EXO1: variants seen among roughly 807,000 people sequenced by gnomAD.
EXO1 encodes exonuclease 1.
In EXO1, 69 loss-of-function variants were observed where a neutral mutation model predicts 84.5. The observed-to-expected ratio is 0.82, with a 90% CI of 0.67 to 1.00. The LOEUF (loss-of-function observed/expected upper bound fraction) is 1.00, where lower values mean the gene tolerates loss of function less well. EXO1 is among the 50% of genes least tolerant of loss of function. The pLI is 0.00. For synonymous variants in EXO1, 373 were observed against 366.1 expected, an observed-to-expected ratio of 1.02 and a Z score of -0.21; for missense variants, 1,045 against 1,000.7, an observed-to-expected ratio of 1.04 and a Z score of -0.60.
rs1298386596 is a variant in EXO1 at position 241,879,166 on chromosome 1, T to C, written c.1932T>C (p.Pro644=). 1 of 1,607,594 alleles carries C rather than the reference T, an allele frequency of 6.2e-7. No homozygotes were observed. The highest frequency in any genetic ancestry group is 8.5e-7 in the Non-Finnish European group (1 of 1,174,506). ...AGAGCGATTCCCCCACCTCTTTGCCTGAGAATAATATGTCTGATGTGTCGC... is the reference window on the plus strand; with the variant it reads ...AGAGCGATTCCCCCACCTCTTTGCCCGAGAATAATATGTCTGATGTGTCGC... ...RRKSDSPTSL[P]ENNMSDVSQL... is the part of the protein sequence containing the mutation. Residue 644 remains proline, a synonymous_variant, in exon 13 of 16, where the codon CCT becomes CCC. Coordinates refer to ENST00000366548, the MANE Select transcript of EXO1 (RefSeq NM_130398.4).
At chr1:241,873,903 A>G (rs1458783666) in intron 12 of EXO1, among the ~76,000 whole-genome samples, 1 of 152,160 alleles carries the variant, frequency 6.6e-6, no homozygotes, top group African/African-American at 2.4e-5. Context: ...ACAGTCAGAC[A>G]GCTTGAGGAA....
intron 10 of EXO1, among the ~76,000 whole-genome samples, chr1:241,862,237 C>T (rs1320305189): frequency 2.0e-5 from 3 of 152,208 alleles, no homozygotes; most frequent in Non-Finnish European, 2.9e-5. Flanking sequence ...CACTCCTAGC[C>T]GCGATTTGCT....
chr1:241,881,415 A>G (rs1022469403), intron 13 of EXO1, among the ~76,000 whole-genome samples: 2 of 152,224 alleles, frequency 1.3e-5, no homozygotes, highest in African/African-American at 2.4e-5. Context: ...ATCTGATAGA[A>G]TTGGGGGCAG....
chr1:241,849,468 T>G (rs779122237), intron 3 of EXO1, among the ~76,000 whole-genome samples: 19 of 152,234 alleles, frequency 1.2e-4, no homozygotes, highest in Non-Finnish European at 2.1e-4. Context: ...GTCTTGAAGC[T>G]GTATTTGCAT....
At chr1:241,853,247 G>A (rs1660765548) in intron 5 of EXO1, 111 bp from the exon 6 acceptor site, 2 of 1,193,952 alleles carry the variant, frequency 1.7e-6, no homozygotes, top group South Asian at 2.5e-5. Flanking sequence ...TTTCTAATGA[G>A]TCAAAAACTT....
chr1:241,888,235 T>C (rs1156963985), intron 15 of EXO1, among the ~76,000 whole-genome samples: 1 of 152,028 alleles, frequency 6.6e-6, no homozygotes, highest in Non-Finnish European at 1.5e-5. Flanking sequence ...GAACGAGACC[T>C]TGTCTCAAAA....
At position 241,876,239 on chromosome 1, in the gene EXO1, T is replaced by C. The variant is rs532740817; in HGVS notation, c.1515-2510T>C. On this transcript the variant is annotated intron_variant, in intron 12 of 15. Coordinates refer to ENST00000366548, the MANE Select transcript of EXO1 (RefSeq NM_130398.4). ...TTCTGTGAGAAATAATTATCAGGAG[T>C]AAGTCAGTCTTTGATGTGTCATTTT... Among the ~76,000 whole-genome samples the C allele has an allele frequency of 2.0e-5, 3 of 152,270 alleles. No individual in the cohort carries two copies. In the South Asian group the frequency reaches 6.2e-4, roughly 32 times the overall value.
At chr1:241,855,377 C>CTGA (rs1411107454) in intron 6 of EXO1, among the ~76,000 whole-genome samples, 5 of 152,070 alleles carry the variant, frequency 3.3e-5, no homozygotes, top group Non-Finnish European at 5.9e-5. Flanking sequence ...TTCACAAACC[C>CTGA]TGAGCTAGAC....
intron 6 of EXO1, chr1:241,854,832 T>C (rs1330154771): frequency 1.9e-5 from 3 of 154,612 alleles, no homozygotes; most frequent in African/African-American, 7.2e-5. Context: ...TTCCTTCTGA[T>C]GTTAGGATGT....
rs1558148774 is a variant in EXO1 at position 241,885,456 on chromosome 1, CG to C, written c.2358del (p.Leu787TyrfsTer37). The C allele has an allele frequency of 6.2e-7, 1 of 1,613,648 alleles. No homozygotes were observed. The highest frequency in any genetic ancestry group is 8.5e-7 in the Non-Finnish European group (1 of 1,179,808). ...AAGCATCATAATGCCGAGAACAAGC[CG>C]GGGTTACAGATCAAACTCAATGAGC... Reference protein sequence around the residue: ...KRKHHNAENKPGLQIKLNELW... With the variant: ...KRKHHNAENKXGLQIKLNELW... On this transcript the variant is annotated frameshift_variant, in exon 15 of 16. Transcript: ENST00000366548. LOFTEE classifies it high-confidence loss of function.
intron 4 of EXO1, among the ~76,000 whole-genome samples, chr1:241,851,279 T>G (rs1342568071): frequency 6.6e-6 from 1 of 152,230 alleles, no homozygotes; most frequent in East Asian, 1.9e-4. Context: ...AATTTCATAT[T>G]TGCTTTCTCC....
intron 11 of EXO1, among the ~76,000 whole-genome samples, chr1:241,870,216 C>A (rs1012474406): frequency 6.6e-5 from 10 of 152,162 alleles, no homozygotes; most frequent in Non-Finnish European, 1.2e-4. Flanking sequence ...CAGACTAAGT[C>A]TACTTTTCTA....
In EXO1 at chr1:241,885,357, C is replaced by T. The variant is rs921758551; in HGVS notation, c.2255C>T (p.Thr752Ile). ...TCCAGTTCTGCAGACTCTCTTTCTA[C>T]AACCAAGATCAAACCTCTAGGACCT... Reference protein sequence around the residue: ...YKSSSADSLSTTKIKPLGPAR... With the variant: ...YKSSSADSLSITKIKPLGPAR... Residue 752 changes from threonine (T) to isoleucine (I), a missense_variant, in exon 15 of 16, where the codon ACA (threonine) becomes ATA (isoleucine). Thr to Ile is a moderately conservative substitution (Grantham distance 89). Transcript: ENST00000366548. 1.1e-5 allele frequency: 17 copies of T among 1,613,776 alleles called. No homozygotes were observed. In the African/African-American group the frequency reaches 1.1e-4, roughly 10 times the overall value.
rs769765317 is a variant in EXO1, at chr1:241,856,049, G to GCCC, written c.406-1295_406-1294insCCC. The stretch of plus-strand genomic sequence containing the variant: ...CCACAGAGCAGCGGTGGGCTGAAGG[G>GCCC]CTCAAGTGCCGCCAAAGTGGGAGCC... On this transcript the variant is annotated intron_variant, in intron 6 of 15. Transcript: ENST00000366548. 1.0e-3 allele frequency among the ~76,000 whole-genome samples: 155 copies of GCCC among 152,348 alleles called. 1 individual carries two copies. The highest frequency in any genetic ancestry group is 1.7e-3 in the Non-Finnish European group (113 of 68,032).
Position 241,881,982 on chromosome 1 carries a change from C to T in EXO1, c.2176C>T (p.His726Tyr), listed in dbSNP as rs775326016. The change falls in exon 14 of 16, where the codon CAT (histidine) becomes TAT (tyrosine). Residue 726 changes from histidine (H) to tyrosine (Y), a missense_variant. Transcript: ENST00000366548. ...CCAGACCTCCAAGCTACGTTTATCT[C>T]ATTTCTCAAAAAAAGACACACCTCT... ...SDQTSKLRLS[H>Y]FSKKDTPLRN... 7.0e-6 allele frequency: 11 copies of T among 1,577,096 alleles called. No individual in the cohort carries two copies. The Admixed American group carries it at 1.3e-4, about 19-fold the overall frequency.
intron 4 of EXO1, among the ~76,000 whole-genome samples, chr1:241,851,521 C>T (rs955777105): frequency 2.0e-5 from 3 of 151,814 alleles, no homozygotes; most frequent in Non-Finnish European, 4.4e-5. Context: ...CTAAAATGTC[C>T]TTTTCTTTAT....
intron 7 of EXO1, 74 bp from the exon 8 acceptor site, chr1:241,858,432 A>G: frequency 1.1e-6 from 1 of 899,882 alleles, no homozygotes; most frequent in Non-Finnish European, 1.9e-6. Flanking sequence ...AAGATTTCTT[A>G]AAATTATTGC....
At chr1:241,888,653 T>G (rs186065659) in intron 15 of EXO1, among the ~76,000 whole-genome samples, 17 of 152,318 alleles carry the variant, frequency 1.1e-4, no homozygotes, top group Middle Eastern at 6.8e-3. Context: ...GAAAAAAAGA[T>G]GTACTGGTAT....
In EXO1 at chr1:241,880,842, G is replaced by A. The variant is rs1558145229; in HGVS notation, c.2110-1074G>A. On this transcript the variant is annotated intron_variant, in intron 13 of 15. Coordinates refer to ENST00000366548, the MANE Select transcript of EXO1 (RefSeq NM_130398.4). ...GTGAAAAACAACAACCATAGATTCTGTGTTGAGTTCATTGACCATATTTGA... is the reference window on the plus strand; with the variant it reads ...GTGAAAAACAACAACCATAGATTCTATGTTGAGTTCATTGACCATATTTGA... Among the ~76,000 whole-genome samples, 9 of 152,084 alleles carry A rather than the reference G, an allele frequency of 5.9e-5. No individual in the cohort carries two copies. In the South Asian group the frequency reaches 1.9e-3, roughly 32 times the overall value.
Sources: allele counts gnomAD v4.1 joint callset (sites outside exome capture counted in the v4.1 genomes callset), GRCh38; gene constraint gnomAD v4.1.1; transcripts MANE v1.5; gene names NCBI Gene and HGNC (gene_info 2026-07-23, HGNC 2026-07-21).